Variants in KCNT2 observed in about 807,000 individuals in gnomAD.
KCNT2 encodes the protein potassium channel subfamily T member 2.
KCNT2 carries 67 observed loss-of-function variants against 153.8 expected under a neutral mutation model. The observed-to-expected ratio is 0.44, with a 90% confidence interval of 0.36 to 0.53. The LOEUF is 0.53. Among genes scored for constraint, KCNT2 ranks in the 20% least tolerant of loss-of-function variants. The pLI, the probability that KCNT2 is intolerant of heterozygous loss-of-function variation, is 0.00. For synonymous variants in KCNT2, 500 were observed against 458.8 expected, an observed-to-expected ratio of 1.09 and a Z score of -1.15; for missense variants, 975 against 1,354.8, an observed-to-expected ratio of 0.72 and a Z score of 4.40.
Position 196,493,397 on chromosome 1 carries a change from G to GA in KCNT2, c.96-1057dup, listed in dbSNP as rs141099799. Among the ~76,000 whole-genome samples the GA allele has an allele frequency of 1.5e-3, 221 of 143,788 alleles. 1 individual carries two copies. The highest frequency in any genetic ancestry group is 3.5e-3 in the Middle Eastern group (1 of 282). 94.3% of individuals were successfully genotyped at this position (143,788 alleles called of 152,430 possible). ...GTAGATACCTTAGAGAAAACTAGGA[G>GA]AAAAAAAAAACAACTGACATTACAA... On this transcript the variant is annotated intron_variant, in intron 1 of 27. Transcript: ENST00000294725.
rs1234546773 is a variant in KCNT2, at chr1:196,599,337, T to C, written c.95+8878A>G. On this transcript the variant is annotated intron_variant, in intron 1 of 27. Transcript: ENST00000294725. The stretch of plus-strand genomic sequence containing the variant: ...CCTATTCACACAGTGATTTACAAGA[T>C]GGCTAAGTGTGCCCTTGTAATAACA... 3.3e-5 allele frequency among the ~76,000 whole-genome samples: 5 copies of C among 152,370 alleles called. No individual in the cohort carries two copies. The South Asian group carries it at 6.2e-4, about 19-fold the overall frequency.
intron 1 of KCNT2, among the ~76,000 whole-genome samples, chr1:196,602,293 T>C (rs1042287421): frequency 4.6e-5 from 7 of 152,218 alleles, no homozygotes; most frequent in African/African-American, 1.7e-4. Flanking sequence ...TTTTGCTTTA[T>C]TTTCTAAAGA....
intron 14 of KCNT2, among the ~76,000 whole-genome samples, chr1:196,348,127 T>C (rs1044775998): frequency 1.3e-5 from 2 of 152,012 alleles, no homozygotes; most frequent in Non-Finnish European, 2.9e-5. Context: ...TTTCTAATTA[T>C]ATAATTCCTT....
At chr1:196,308,272 C>A (rs1459487145) in intron 21 of KCNT2, among the ~76,000 whole-genome samples, 1 of 151,918 alleles carries the variant, frequency 6.6e-6, no homozygotes, top group Non-Finnish European at 1.5e-5. Flanking sequence ...CAGGTAGGAA[C>A]CCTCTTGTGT....
intron 12 of KCNT2, among the ~76,000 whole-genome samples, chr1:196,421,464 C>G (rs1480922678): frequency 6.6e-6 from 1 of 152,002 alleles, no homozygotes; most frequent in African/African-American, 2.4e-5. Context: ...TATAGAAACA[C>G]TTGATTATCT....
At chr1:196,352,443 T>C (rs1270158790) in intron 14 of KCNT2, among the ~76,000 whole-genome samples, 1 of 152,088 alleles carries the variant, frequency 6.6e-6, no homozygotes, top group African/African-American at 2.4e-5. Context: ...GGAGAGTGTA[T>C]GTGTCAAGGA....
In KCNT2 at chr1:196,421,692, T is replaced by C. The variant is rs374944203; in HGVS notation, c.1185+1358A>G. On this transcript the variant is annotated intron_variant, in intron 12 of 27. Transcript: ENST00000294725. ...TCCAATCATTTTTTGGTCTACACTC[T>C]TCTGTTAGTTTCCTAGGGCTGCCAA... 7.2e-5 allele frequency among the ~76,000 whole-genome samples: 11 copies of C among 152,044 alleles called. No homozygotes were observed. The East Asian group carries it at 1.2e-3, about 16-fold the overall frequency.
intron 22 of KCNT2, among the ~76,000 whole-genome samples, chr1:196,288,670 G>C (rs138672146): frequency 5.8e-4 from 88 of 152,206 alleles, no homozygotes; most frequent in Admixed American, 2.6e-3. Flanking sequence ...AAGAGGATAT[G>C]ATGATTGAAT....
At chr1:196,338,711 G>A (rs1004870273) in intron 16 of KCNT2, among the ~76,000 whole-genome samples, 20 of 151,868 alleles carry the variant, frequency 1.3e-4, no homozygotes, top group African/African-American at 4.8e-4. Context: ...TGGCAAGGCT[G>A]GAGGCATGGA....
intron 5 of KCNT2, among the ~76,000 whole-genome samples, chr1:196,474,625 G>T (rs910862360): frequency 6.6e-6 from 1 of 152,130 alleles, no homozygotes; most frequent in Non-Finnish European, 1.5e-5. Flanking sequence ...TTAACAAAAG[G>T]GTTCTAGGTA....
chr1:196,600,717 T>A (rs575599751), intron 1 of KCNT2, among the ~76,000 whole-genome samples: 1 of 152,178 alleles, frequency 6.6e-6, no homozygotes, highest in South Asian at 2.1e-4. Context: ...TAAAACAGTA[T>A]CTATGCTCAA....
intron 1 of KCNT2, among the ~76,000 whole-genome samples, chr1:196,514,760 A>G (rs1681914058): frequency 6.6e-6 from 1 of 151,734 alleles, no homozygotes; most frequent in Non-Finnish European, 1.5e-5. Context: ...ATTTATTTCT[A>G]TTTTTTGATG....
chr1:196,544,829 A>T lies in KCNT2; in HGVS notation c.96-52488T>A, dbSNP rs767775361. 3.3e-5 allele frequency among the ~76,000 whole-genome samples: 5 copies of T among 152,160 alleles called. 1 individual carries two copies. The highest frequency in any genetic ancestry group is 2.0e-4 in the Admixed American group (3 of 15,248). On this transcript the variant is annotated intron_variant, in intron 1 of 27. Transcript: ENST00000294725. ...CTTGCACTTTCATGTCTTGTTATAC[A>T]TGATCACATTTGTTTTATAGTACAA...
At chr1:196,261,570 G>C (rs1039386368) in intron 25 of KCNT2, among the ~76,000 whole-genome samples, 1 of 151,820 alleles carries the variant, frequency 6.6e-6, no homozygotes, top group African/African-American at 2.4e-5. Context: ...GAAAAATGGG[G>C]ATGAAAAAGA....
intron 21 of KCNT2, among the ~76,000 whole-genome samples, chr1:196,309,238 C>A (rs184747240): frequency 1.2e-4 from 18 of 152,060 alleles, no homozygotes; most frequent in African/African-American, 4.3e-4. Flanking sequence ...ACTTTTGGAA[C>A]ATTTTTATTT....
chr1:196,545,337 T>C (rs1656936849), intron 1 of KCNT2, among the ~76,000 whole-genome samples: 1 of 152,098 alleles, frequency 6.6e-6, no homozygotes, highest in African/African-American at 2.4e-5. Context: ...GCTTAGCTCC[T>C]TTCTTCATCA....
intron 1 of KCNT2, among the ~76,000 whole-genome samples, chr1:196,571,067 C>A (rs1660725280): frequency 6.6e-6 from 1 of 152,014 alleles, no homozygotes; most frequent in Admixed American, 6.5e-5. Context: ...CCCATAAAGG[C>A]AGAAATCTTT....
intron 22 of KCNT2, among the ~76,000 whole-genome samples, chr1:196,302,730 CTTT>C (rs564486260): frequency 6.9e-6 from 1 of 145,602 alleles, no homozygotes. Context: ...CCCAGCACAA[CTTT>C]TTTTTTTTTG....
chr1:196,285,197 A>G (rs566051676), intron 23 of KCNT2, among the ~76,000 whole-genome samples: 16 of 152,216 alleles, frequency 1.1e-4, no homozygotes, highest in African/African-American at 3.6e-4. Flanking sequence ...TTTTTCTAAA[A>G]TAGGCAATAA....
Sources: gnomAD v4.1 joint callset for allele counts (sites outside exome capture counted in the v4.1 genomes callset) on GRCh38, gnomAD v4.1.1 for gene constraint, MANE v1.5 for transcripts, NCBI Gene and HGNC (gene_info 2026-07-23, HGNC 2026-07-21) for gene names.